Variants in HACD3 observed in about 807,000 individuals in gnomAD.
HACD3 encodes very-long-chain (3R)-3-hydroxyacyl-CoA dehydratase 3.
Under a neutral mutation model 55.2 loss-of-function variants are expected in HACD3, and 30 were observed. The observed-to-expected ratio is 0.54, with a 90% CI of 0.41 to 0.74. The LOEUF is 0.74. HACD3 is among the 30% of genes least tolerant of loss of function. HACD3 has a pLI of 0.00. For missense variants in HACD3, 363 were observed against 440.1 expected, an observed-to-expected ratio of 0.82 and a Z score of 1.57; for synonymous variants, 141 against 151.7, an observed-to-expected ratio of 0.93 and a Z score of 0.52.
chr15:65,568,301 G>A (rs1197131427), intron 7 of HACD3, among the ~76,000 whole-genome samples: 2 of 151,904 alleles, frequency 1.3e-5, no homozygotes, highest in African/African-American at 4.8e-5. Flanking sequence ...CATAATGAAG[G>A]TATTTGATAC....
intron 3 of HACD3, among the ~76,000 whole-genome samples, chr15:65,555,690 C>G (rs767618094): frequency 1.3e-5 from 2 of 152,160 alleles, no homozygotes; most frequent in African/African-American, 4.8e-5. Context: ...TGTAGACAAA[C>G]AATGAGCTGG....
At chr15:65,559,737 C>T (rs1014338353) in intron 5 of HACD3, among the ~76,000 whole-genome samples, 2 of 151,320 alleles carry the variant, frequency 1.3e-5, no homozygotes, top group Non-Finnish European at 2.9e-5. Context: ...TCAGGAAAGC[C>T]GAGGAGGGGA....
chr15:65,557,381 A>G (rs994303786), intron 4 of HACD3, among the ~76,000 whole-genome samples: 3 of 151,974 alleles, frequency 2.0e-5, no homozygotes, highest in African/African-American at 4.8e-5. Flanking sequence ...AGGCTGAGGC[A>G]GGAGAATGGC....
intron 5 of HACD3, among the ~76,000 whole-genome samples, chr15:65,561,071 T>A (rs1026973678): frequency 6.6e-6 from 1 of 152,202 alleles, no homozygotes; most frequent in East Asian, 1.9e-4. Context: ...TAACCAAATA[T>A]CAGGGTTGTT....
Position 65,530,481 on chromosome 15 carries a change from C to T in HACD3, c.-151C>T, listed in dbSNP as rs111769654. 37 of 614,346 alleles carry T rather than the reference C, an allele frequency of 6.0e-5. No homozygotes were observed. Among genetic ancestry groups the T allele is most frequent in the African/African-American group, 5.9e-4 (30 of 51,192 alleles). The allele number at this position is 614,346 out of a possible 1,614,324, so 38.1% of individuals were successfully genotyped here. Reference sequence around the variant, plus strand: ...CCGGCGCGTCACTGCGCAGGCGCGGCCCGCGAGCGTGGGGTATCTCGAGGT... The same window carrying T: ...CCGGCGCGTCACTGCGCAGGCGCGGTCCGCGAGCGTGGGGTATCTCGAGGT... On this transcript the variant is annotated 5_prime_UTR_variant, in exon 1 of 11. Coordinates refer to ENST00000261875, the MANE Select transcript of HACD3 (RefSeq NM_016395.4).
intron 3 of HACD3, among the ~76,000 whole-genome samples, chr15:65,556,003 C>T (rs998010698): frequency 1.3e-5 from 2 of 152,152 alleles, no homozygotes; most frequent in Non-Finnish European, 2.9e-5. Flanking sequence ...TGATATCCTC[C>T]TGTATCATTC....
intron 1 of HACD3, among the ~76,000 whole-genome samples, chr15:65,545,018 TAA>T (rs1220934801): frequency 1.5e-4 from 19 of 127,152 alleles, no homozygotes; most frequent in Admixed American, 1.6e-4. Context: ...AAATTCTGTC[TAA>T]AAAAAAAAAA....
intron 2 of HACD3, among the ~76,000 whole-genome samples, 189 bp from the exon 3 acceptor site, chr15:65,554,698 C>T (rs532861640): frequency 6.6e-6 from 1 of 152,194 alleles, no homozygotes; most frequent in East Asian, 1.9e-4. Flanking sequence ...TGGCATGAAC[C>T]CGGGAGGCGG....
chr15:65,550,536 C>G (rs977797269), intron 1 of HACD3, among the ~76,000 whole-genome samples: 4 of 152,150 alleles, frequency 2.6e-5, no homozygotes, highest in Non-Finnish European at 5.9e-5. Context: ...GGGAAACTTG[C>G]AGGTCTAAAT....
intron 7 of HACD3, among the ~76,000 whole-genome samples, chr15:65,568,935 A>G (rs553892603): frequency 6.6e-5 from 10 of 152,278 alleles, no homozygotes; most frequent in Admixed American, 1.3e-4. Flanking sequence ...TGAGTGGACT[A>G]TAGCCACATG....
chr15:65,543,711 T>G (rs568125956), intron 1 of HACD3, among the ~76,000 whole-genome samples: 1 of 152,266 alleles, frequency 6.6e-6, no homozygotes, highest in South Asian at 2.1e-4. Flanking sequence ...AAATGGCCAA[T>G]TATTCCAAAT....
chr15:65,532,900 G>T (rs1417822494), intron 1 of HACD3, among the ~76,000 whole-genome samples: 1 of 152,074 alleles, frequency 6.6e-6, no homozygotes, highest in East Asian at 1.9e-4. Flanking sequence ...TCTAGAAGGA[G>T]GCGTATCATA....
intron 1 of HACD3, among the ~76,000 whole-genome samples, chr15:65,545,355 A>C (rs2072064906): frequency 6.6e-6 from 1 of 152,092 alleles, no homozygotes; most frequent in African/African-American, 2.4e-5. Flanking sequence ...ACATTTTACA[A>C]GACAATTGGC....
chr15:65,572,376 GA>G lies in HACD3; in HGVS notation c.1012+11del. 1 of 1,575,036 alleles carries G rather than the reference GA, an allele frequency of 6.3e-7. No homozygotes were observed. The highest frequency in any genetic ancestry group is 8.6e-7 in the Non-Finnish European group (1 of 1,156,494). On this transcript the variant is annotated intron_variant, in intron 10 of 10. Coordinates refer to ENST00000261875, the MANE Select transcript of HACD3 (RefSeq NM_016395.4). The stretch of plus-strand genomic sequence containing the variant: ...ATAATGATATTTTTAGGTAAGTATT[GA>G]TTCTTTAATACAGACTTTTTCTTGT...
At chr15:65,564,400 G>T (rs566375740) in intron 7 of HACD3, 58 bp downstream of exon 7, 2 of 1,576,924 alleles carry the variant, frequency 1.3e-6, no homozygotes, top group South Asian at 1.2e-5. Context: ...TTGTCTAGTG[G>T]GTATGTGTAT....
At chr15:65,530,740 G>T (rs2071888501) in intron 1 of HACD3, 22 bp downstream of exon 1, 1 of 1,531,950 alleles carries the variant, frequency 6.5e-7, no homozygotes, top group South Asian at 1.2e-5. Flanking sequence ...GTCGGGCGGC[G>T]GGAAGCGCGC....
intron 2 of HACD3, among the ~76,000 whole-genome samples, chr15:65,552,094 G>A (rs1007635673): frequency 2.0e-5 from 3 of 152,106 alleles, no homozygotes; most frequent in East Asian, 3.9e-4. Context: ...TCGAGGACCC[G>A]TGGACACCAA....
intron 1 of HACD3, among the ~76,000 whole-genome samples, chr15:65,537,958 A>AATATATATAT (rs755882094): frequency 9.0e-5 from 1 of 11,164 alleles, no homozygotes; most frequent in African/African-American, 3.8e-4. Flanking sequence ...AAAAAAAAAA[A>AATATATATAT]ATATATATAT....
chr15:65,532,482 G>A (rs945233762), intron 1 of HACD3, among the ~76,000 whole-genome samples: 8 of 151,838 alleles, frequency 5.3e-5, no homozygotes, highest in African/African-American at 1.9e-4. Context: ...AAAATTAGCC[G>A]GGCATGGTGG....
Sources: gnomAD v4.1 joint callset for allele counts (sites outside exome capture counted in the v4.1 genomes callset) on GRCh38, gnomAD v4.1.1 for gene constraint, MANE v1.5 for transcripts, NCBI Gene and HGNC (gene_info 2026-07-23, HGNC 2026-07-21) for gene names.